The following GLI2 variants were observed in gnomAD, a reference collection of about 807,000 sequenced individuals.
The protein encoded by GLI2 is transcription activator GLI2.
GLI2 carries 22 observed loss-of-function variants against 78.9 expected under a neutral mutation model. The ratio of observed to expected loss-of-function variants is 0.28; its 90% CI spans 0.20 to 0.40. The LOEUF (loss-of-function observed/expected upper bound fraction) is 0.40, where lower values mean the gene tolerates loss of function less well. GLI2 is among the 10% of genes least tolerant of loss of function. The probability of loss-of-function intolerance (pLI) is 1.00; values close to 1 mark genes in which losing one functional copy is unlikely to be tolerated. For synonymous variants in GLI2, 974 were observed against 963.7 expected, an observed-to-expected ratio of 1.01 and a Z score of -0.20; for missense variants, 2,097 against 2,213.2, an observed-to-expected ratio of 0.95 and a Z score of 1.05.
Position 120,992,498 on chromosome 2 carries a change from A to C in GLI2, c.*1823A>C, listed in dbSNP as rs1683327269. The C allele has an allele frequency of 6.6e-6, 1 of 152,188 alleles. No homozygotes were observed. The highest frequency in any genetic ancestry group is 1.5e-5 in the Non-Finnish European group (1 of 68,032). 9.4% of individuals were successfully genotyped at this position (152,188 alleles called of 1,614,324 possible). ...TACATTAAAAAAGTAATTTTTTCAT[A>C]ATTTATCTTGTCTATCTGCTTCCCC... On this transcript the variant is annotated 3_prime_UTR_variant, in exon 14 of 14. Coordinates refer to ENST00000361492, the MANE Select transcript of GLI2 (RefSeq NM_001374353.1).
At chr2:120,799,610 G>A (rs193204324) in intron 2 of GLI2, among the ~76,000 whole-genome samples, 540 of 152,346 alleles carry the variant, frequency 3.5e-3, no homozygotes, top group Non-Finnish European at 5.7e-3. Context: ...GGCTGCATTC[G>A]TGGATGGGAT....
Position 120,759,558 on chromosome 2 carries a change from TG to T in GLI2, c.-31+23279del, listed in dbSNP as rs764398380. Among the ~76,000 whole-genome samples, 145 of 152,230 alleles carry T rather than the reference TG, an allele frequency of 9.5e-4. 1 individual carries two copies. Among genetic ancestry groups the T allele is most frequent in the Non-Finnish European group, 1.7e-3 (115 of 68,000 alleles). ...GTAAAGAGATGCACAGGGTGAGGCA[TG>T]GGGGGTGGTGCAGAGCCTCCATGCC... is the stretch of plus-strand genomic sequence containing the variant. On this transcript the variant is annotated intron_variant, in intron 1 of 13. Transcript: ENST00000361492.
intron 1 of GLI2, among the ~76,000 whole-genome samples, chr2:120,767,964 A>ACC (rs1168380466): frequency 1.3e-5 from 2 of 151,744 alleles, no homozygotes; most frequent in Non-Finnish European, 2.9e-5. Context: ...TGCCACCCTC[A>ACC]CCCCCCACCA....
intron 2 of GLI2, among the ~76,000 whole-genome samples, chr2:120,889,012 G>A (rs960699408): frequency 6.6e-6 from 1 of 152,332 alleles, no homozygotes; most frequent in East Asian, 1.9e-4. Flanking sequence ...CAGGCTAGAC[G>A]GCCGTGAGGA....
At chr2:120,920,379 C>T (rs1042796096) in intron 2 of GLI2, among the ~76,000 whole-genome samples, 4 of 152,204 alleles carry the variant, frequency 2.6e-5, no homozygotes, top group African/African-American at 7.2e-5. Context: ...CCAGTTTTCC[C>T]GATTCTTTGT....
chr2:120,814,356 T>C (rs1685396216), intron 2 of GLI2, among the ~76,000 whole-genome samples: 2 of 152,332 alleles, frequency 1.3e-5, no homozygotes, highest in African/African-American at 2.4e-5. Context: ...TGTGTCTGTA[T>C]GATTTTGTGG....
chr2:120,833,672 C>G (rs1406196111), intron 2 of GLI2, among the ~76,000 whole-genome samples: 2 of 152,194 alleles, frequency 1.3e-5, no homozygotes, highest in Non-Finnish European at 2.9e-5. Context: ...CCACCTCCCA[C>G]CACCGAGGTC....
chr2:120,984,849 G>A, intron 12 of GLI2, 106 bp downstream of exon 12: 3 of 1,155,392 alleles, frequency 2.6e-6, no homozygotes, highest in East Asian at 2.5e-5. Flanking sequence ...CCCTCTAGGG[G>A]CACAGCGATA....
chr2:120,954,089 G>A lies in GLI2; in HGVS notation c.458-1156G>A, dbSNP rs368630419. Among the ~76,000 whole-genome samples the A allele has an allele frequency of 9.2e-5, 14 of 152,246 alleles. No homozygotes were observed. The East Asian group carries it at 1.2e-3, about 13-fold the overall frequency. On this transcript the variant is annotated intron_variant, in intron 4 of 13. Transcript: ENST00000361492. ...ACGCCAAGGCCTCATCAGCCCTTGG[G>A]CTACTAAGTGACCAAGGATGGCAGA... is the stretch of plus-strand genomic sequence containing the variant.
chr2:120,848,629 A>T (rs1238046990), intron 2 of GLI2, among the ~76,000 whole-genome samples: 1 of 152,170 alleles, frequency 6.6e-6, no homozygotes, highest in Non-Finnish European at 1.5e-5. Flanking sequence ...TCTCCTTGGC[A>T]CCTTTGCCTT....
Position 120,830,784 on chromosome 2 carries a change from ACT to A in GLI2, c.148+33323_148+33324del, listed in dbSNP as rs544760500. ...CCATGTTCCCTCTGTTTTCTGGGTG[ACT>A]CTCTCTGCCTCCTTTCTCTGGTTCT... On this transcript the variant is annotated intron_variant, in intron 2 of 13. Coordinates refer to ENST00000361492, the MANE Select transcript of GLI2 (RefSeq NM_001374353.1). Among the ~76,000 whole-genome samples, 16 of 150,254 alleles carry A rather than the reference ACT, an allele frequency of 1.1e-4. No individual in the cohort carries two copies. In the East Asian group the frequency reaches 2.6e-3, roughly 24 times the overall value.
chr2:120,923,666 A>T (rs560961940), intron 2 of GLI2, among the ~76,000 whole-genome samples: 1 of 152,226 alleles, frequency 6.6e-6, no homozygotes, highest in East Asian at 1.9e-4. Flanking sequence ...TACAACACAC[A>T]TGCGCATATA....
chr2:120,791,918 T>C (rs1169937231), intron 1 of GLI2, among the ~76,000 whole-genome samples: 1 of 152,002 alleles, frequency 6.6e-6, no homozygotes, highest in Non-Finnish European at 1.5e-5. Context: ...GCTGTGTGAG[T>C]GTGTGAGCCT....
Position 120,739,184 on chromosome 2 carries a change from C to T in GLI2, c.-31+2899C>T, listed in dbSNP as rs1438139213. On this transcript the variant is annotated intron_variant, in intron 1 of 13. Transcript: ENST00000361492. The stretch of plus-strand genomic sequence containing the variant: ...ACAAGTGCCCTGTACACAGTGCAGC[C>T]CCTGGGGCTGGATTAGCAAACCAGG... Among the ~76,000 whole-genome samples, 4 of 152,144 alleles carry T rather than the reference C, an allele frequency of 2.6e-5. No homozygotes were observed. In the South Asian group the frequency reaches 8.3e-4, roughly 32 times the overall value.
intron 1 of GLI2, among the ~76,000 whole-genome samples, chr2:120,775,381 C>T (rs1416760271): frequency 6.6e-6 from 1 of 152,234 alleles, no homozygotes; most frequent in African/African-American, 2.4e-5. Flanking sequence ...CCTCACCTCT[C>T]CCGGTGCCGT....
intron 3 of GLI2, among the ~76,000 whole-genome samples, chr2:120,941,705 A>G (rs116149704): frequency 2.0e-5 from 3 of 152,328 alleles, no homozygotes; most frequent in African/African-American, 7.2e-5. Context: ...AACAGCAAAA[A>G]GGTCCCAGTG....
intron 1 of GLI2, among the ~76,000 whole-genome samples, chr2:120,763,036 AG>A (rs1683260390): frequency 6.6e-6 from 1 of 152,180 alleles, no homozygotes; most frequent in Admixed American, 6.5e-5. Flanking sequence ...AAGCCCTGGG[AG>A]GCTCTGGAGC....
intron 2 of GLI2, chr2:120,867,074 T>A (rs1688172924): frequency 1.3e-5 from 2 of 152,282 alleles, no homozygotes; most frequent in South Asian, 4.2e-4. Context: ...TGGACAAGTC[T>A]CCCTCCCTTC....
At chr2:120,777,692 T>C (rs1683722177) in intron 1 of GLI2, among the ~76,000 whole-genome samples, 1 of 135,290 alleles carries the variant, frequency 7.4e-6, no homozygotes, top group East Asian at 2.1e-4. Context: ...ACTTGGGCCA[T>C]TGGATCCCAG....
Sources: allele counts gnomAD v4.1 joint callset (sites outside exome capture counted in the v4.1 genomes callset), GRCh38; gene constraint gnomAD v4.1.1; transcripts MANE v1.5; gene names NCBI Gene and HGNC (gene_info 2026-07-23, HGNC 2026-07-21).